Variants in TOMM34 observed in about 807,000 individuals in gnomAD.
TOMM34 encodes the protein translocase of outer mitochondrial membrane 34.
TOMM34 carries 24 observed loss-of-function variants against 37.4 expected under a neutral mutation model. That is an observed-to-expected ratio of 0.64 (90% CI 0.46 to 0.90). The LOEUF is 0.90. Among genes scored for constraint, TOMM34 ranks in the 40% least tolerant of loss-of-function variants. TOMM34 has a pLI of 0.00. For synonymous variants in TOMM34, 154 were observed against 148.9 expected, an observed-to-expected ratio of 1.03 and a Z score of -0.25; for missense variants, 304 against 375.6, an observed-to-expected ratio of 0.81 and a Z score of 1.58.
rs369783328 is a variant in TOMM34, at chr20:44,960,378, C to T, written c.-45G>A. On this transcript the variant is annotated 5_prime_UTR_variant, in exon 1 of 7. Transcript: ENST00000372813. Reference sequence around the variant, plus strand: ...GTTGGGAGCTCCTTCCTTCCTCCCCCGTGTGGTGCGGCACACCTTCCGGGC... The same window carrying T: ...GTTGGGAGCTCCTTCCTTCCTCCCCTGTGTGGTGCGGCACACCTTCCGGGC... 62 of 1,497,308 alleles carry T rather than the reference C, an allele frequency of 4.1e-5. No homozygotes were observed. The highest frequency in any genetic ancestry group is 3.2e-4 in the East Asian group (12 of 37,798). 92.8% of individuals were successfully genotyped at this position (1,497,308 alleles called of 1,614,324 possible).
At chr20:44,943,366 C>T in intron 6 of TOMM34, 87 bp downstream of exon 6, 2 of 1,601,116 alleles carry the variant, frequency 1.2e-6, no homozygotes, top group Non-Finnish European at 1.7e-6. Flanking sequence ...CAGATATTGT[C>T]TCAGCTTGGC....
intron 2 of TOMM34, chr20:44,955,643 C>T (rs753066309): frequency 4.4e-6 from 2 of 457,620 alleles, no homozygotes; most frequent in South Asian, 3.1e-5. Flanking sequence ...ACTGCCCCAA[C>T]CCTCAGCAAC....
chr20:44,949,884 G>A (rs1453059456), intron 4 of TOMM34, among the ~76,000 whole-genome samples: 1 of 152,134 alleles, frequency 6.6e-6, no homozygotes, highest in Non-Finnish European at 1.5e-5. Context: ...ACTTCATACA[G>A]AAGAATAAGT....
rs1049430029 is a variant in TOMM34 at position 44,951,866 on chromosome 20, T to C, written c.517A>G (p.Lys173Glu). The C allele has an allele frequency of 1.2e-6, 2 of 1,614,012 alleles. No individual in the cohort carries two copies. Among genetic ancestry groups the C allele is most frequent in the African/African-American group, 2.7e-5 (2 of 74,924 alleles). The part of the protein sequence containing the change: ...SENHKEMAKS[K>E]SKETTATKNR... ...TTTGTAGCTGTGGTTTCTTTGGATT[T>C]GCTTTTAGCCATCTCTTTGTGGTTC... is the stretch of plus-strand genomic sequence containing the variant. Residue 173 changes from lysine (K) to glutamate (E), a missense_variant, in exon 4 of 7, where the codon AAA (lysine) becomes GAA (glutamate). Physicochemically the swap from Lys to Glu is moderately conservative, Grantham distance 56. Coordinates refer to ENST00000372813, the MANE Select transcript of TOMM34 (RefSeq NM_006809.5).
chr20:44,955,414 G>A, intron 2 of TOMM34, 194 bp from the exon 3 acceptor site: 1 of 700,176 alleles, frequency 1.4e-6, no homozygotes, highest in Non-Finnish European at 2.5e-6. Flanking sequence ...GAGAAAGAAG[G>A]CAGAGAAACA....
At chr20:44,949,807 C>A (rs367653271) in intron 4 of TOMM34, among the ~76,000 whole-genome samples, 2 of 152,294 alleles carry the variant, frequency 1.3e-5, no homozygotes, top group East Asian at 3.9e-4. Flanking sequence ...TTCTTCCCCA[C>A]CTTTTTAAAC....
At chr20:44,956,618 G>A (rs1464167655) in intron 1 of TOMM34, 133 bp from the exon 2 acceptor site, 8 of 767,508 alleles carry the variant, frequency 1.0e-5, no homozygotes, top group Non-Finnish European at 1.7e-5. Context: ...GTTCAGGCTT[G>A]TTGGTCTGCT....
intron 6 of TOMM34, 82 bp downstream of exon 6, chr20:44,943,371 C>T (rs2066952270): frequency 6.2e-7 from 1 of 1,603,950 alleles, no homozygotes; most frequent in Non-Finnish European, 8.5e-7. Context: ...ATTGTCTCAG[C>T]TTGGCTACAC....
chr20:44,951,652 C>A lies in TOMM34; in HGVS notation c.550+181G>T, dbSNP rs2234205. ...ATGGTTGTGAGGAAGACTTTATCAT[C>A]ACCCTCACTATACAGCTGAGAAAAC... On this transcript the variant is annotated intron_variant, in intron 4 of 6. Transcript: ENST00000372813. 4.8e-3 allele frequency among the ~76,000 whole-genome samples: 731 copies of A among 152,342 alleles called. 2 individuals carry two copies. Among genetic ancestry groups the A allele is most frequent in the Non-Finnish European group, 8.4e-3 (572 of 68,026 alleles).
Position 44,960,324 on chromosome 20 carries a change from T to TG in TOMM34, c.9dup (p.Lys4GlnfsTer15). 2 of 1,578,006 alleles carry TG rather than the reference T, an allele frequency of 1.3e-6. No homozygotes were observed. Among genetic ancestry groups the TG allele is most frequent in the Non-Finnish European group, 8.6e-7 (1 of 1,162,922 alleles). On this transcript the variant is annotated frameshift_variant, in exon 1 of 7. Transcript: ENST00000372813. LOFTEE classifies it high-confidence loss of function. ...AGCTCCTCCACAGAGTCTGGGAATTTGGGGGCCATCCCGTGGCCAGGCCGG... is the reference window on the plus strand; with the variant it reads ...AGCTCCTCCACAGAGTCTGGGAATTTGGGGGGCCATCCCGTGGCCAGGCCGG...
At chr20:44,958,302 A>C (rs1029683412) in intron 1 of TOMM34, 1 of 468,670 alleles carries the variant, frequency 2.1e-6, no homozygotes, top group Non-Finnish European at 4.4e-6. Flanking sequence ...TTCAATACCA[A>C]CAATAACAAG....
intron 5 of TOMM34, among the ~76,000 whole-genome samples, chr20:44,944,797 T>C (rs956068075): frequency 6.6e-6 from 1 of 152,232 alleles, no homozygotes; most frequent in African/African-American, 2.4e-5. Context: ...CTGTACCAAC[T>C]TTGGGTCTTA....
At position 44,960,286 on chromosome 20, in the gene TOMM34, G is replaced by A. The variant is rs1244127835; in HGVS notation, c.48C>T (p.Gly16=). Residue 16 remains glycine (G), a synonymous_variant, in exon 1 of 7, where the codon GGC becomes GGT. Coordinates refer to ENST00000372813, the MANE Select transcript of TOMM34 (RefSeq NM_006809.5). Reference sequence around the variant, plus strand: ...ACTGGCCGTTGCGGAAACTCTCATTGCCGGCGGCGCGGAGCTCCTCCACAG... The same window carrying A: ...ACTGGCCGTTGCGGAAACTCTCATTACCGGCGGCGCGGAGCTCCTCCACAG... ...PDSVEELRAA[G]NESFRNGQYA... 1 of 1,583,186 alleles carries A rather than the reference G, an allele frequency of 6.3e-7. No individual in the cohort carries two copies. The highest frequency in any genetic ancestry group is 8.6e-7 in the Non-Finnish European group (1 of 1,165,518).
intron 1 of TOMM34, 41 bp downstream of exon 1, chr20:44,960,166 G>A: frequency 1.3e-6 from 2 of 1,534,852 alleles, no homozygotes; most frequent in Non-Finnish European, 1.8e-6. Context: ...GCGGGAGTTG[G>A]AGGAGCAGGC....
intron 1 of TOMM34, 144 bp from the exon 2 acceptor site, chr20:44,956,629 G>T: frequency 1.4e-6 from 1 of 694,684 alleles, no homozygotes; most frequent in East Asian, 2.7e-5. Flanking sequence ...TTGGTCTGCT[G>T]GGCTGGCGTG....
chr20:44,952,924 GCCCTTC>G (rs890683506), intron 3 of TOMM34, among the ~76,000 whole-genome samples: 2 of 151,938 alleles, frequency 1.3e-5, no homozygotes, highest in Non-Finnish European at 2.9e-5. Flanking sequence ...CTGTTCCCTG[GCCCTTC>G]CCCTTTTTTA....
chr20:44,958,144 A>ATGTATATGTATATATATGTG (rs60792281), intron 1 of TOMM34, among the ~76,000 whole-genome samples: 44,105 of 145,854 alleles, frequency 0.3, 7,403 homozygotes, highest in Admixed American at 0.46. Flanking sequence ...ATGTATATAT[A>ATGTATATGTATATATATGTG]TGTGTGTGTG....
intron 1 of TOMM34, chr20:44,958,452 A>T: frequency 2.1e-6 from 1 of 467,700 alleles, no homozygotes; most frequent in Non-Finnish European, 4.4e-6. Context: ...CAGAAACAGC[A>T]GTGGTGCGGT....
chr20:44,960,127 G>A, intron 1 of TOMM34, 80 bp downstream of exon 1: 4 of 1,482,282 alleles, frequency 2.7e-6, no homozygotes, highest in Non-Finnish European at 3.6e-6. Flanking sequence ...CAGGACTGCT[G>A]GCCGCCGCGC....
Sources: allele counts gnomAD v4.1 joint callset (sites outside exome capture counted in the v4.1 genomes callset), GRCh38; gene constraint gnomAD v4.1.1; transcripts MANE v1.5; gene names NCBI Gene and HGNC (gene_info 2026-07-23, HGNC 2026-07-21).